Variants in HMGCLL1 observed in about 807,000 individuals in gnomAD.
HMGCLL1 encodes the protein 3-hydroxymethyl-3-methylglutaryl-CoA lyase, cytoplasmic.
In HMGCLL1, 36 loss-of-function variants were observed where a neutral mutation model predicts 39.1. That is an observed-to-expected ratio of 0.92 (90% CI 0.71 to 1.22). The LOEUF (loss-of-function observed/expected upper bound fraction) is 1.22, where lower values mean the gene tolerates loss of function less well. Ranked by LOEUF, HMGCLL1 falls within the 50% of genes most tolerant of loss-of-function variation. The pLI is 0.00. For missense variants in HMGCLL1, 451 were observed against 416.5 expected, an observed-to-expected ratio of 1.08 and a Z score of -0.72; for synonymous variants, 149 against 144.0, an observed-to-expected ratio of 1.03 and a Z score of -0.25.
intron 7 of HMGCLL1, among the ~76,000 whole-genome samples, chr6:55,470,510 G>A (rs567745285): frequency 6.6e-6 from 1 of 151,708 alleles, no homozygotes; most frequent in South Asian, 2.1e-4. Context: ...GTCCCAAAAT[G>A]GTTACATTGA....
the HMGCLL1 span, among the ~76,000 whole-genome samples, chr6:55,624,133 A>C: frequency 6.6e-6 from 1 of 152,180 alleles, no homozygotes; most frequent in Non-Finnish European, 1.5e-5. Context: ...AGAAATTGAA[A>C]GCAATATTGC....
Position 55,535,336 on chromosome 6 carries a change from A to G in HMGCLL1, c.297+6393T>C, listed in dbSNP as rs188086211. Among the ~76,000 whole-genome samples, 3 of 152,358 alleles carry G rather than the reference A, an allele frequency of 2.0e-5. No individual in the cohort carries two copies. In the East Asian group the frequency reaches 5.8e-4, roughly 29 times the overall value. ...CTGCTCTACGAATTCAGGAGAAAAG[A>G]CAAGAATATGAAGACTTCACCAATA... On this transcript the variant is annotated intron_variant, in intron 3 of 8. Transcript: ENST00000274901.
At chr6:55,622,057 T>C in the HMGCLL1 span, among the ~76,000 whole-genome samples, 9 of 152,146 alleles carry the variant, frequency 5.9e-5, no homozygotes, top group Admixed American at 6.6e-5. Flanking sequence ...TATTACCTTC[T>C]TGATTTCTTT....
intron 6 of HMGCLL1, 22 bp downstream of exon 6, chr6:55,499,214 A>G: frequency 6.3e-7 from 1 of 1,592,428 alleles, no homozygotes; most frequent in Non-Finnish European, 8.6e-7. Flanking sequence ...CATAAACCAA[A>G]AAAGCTGAAG....
the HMGCLL1 span, among the ~76,000 whole-genome samples, chr6:55,647,745 C>CTTTTTTTTT: frequency 1.4e-4 from 16 of 115,852 alleles, no homozygotes; most frequent in African/African-American, 3.1e-4. Flanking sequence ...TTTTTTTTTC[C>CTTTTTTTTT]TTTTTTTTTT....
the HMGCLL1 span, among the ~76,000 whole-genome samples, chr6:55,586,641 G>A: frequency 1.1e-3 from 166 of 150,822 alleles, no homozygotes; most frequent in African/African-American, 3.8e-3. Flanking sequence ...GAGAACATAC[G>A]GTGTTTGGTT....
At chr6:55,487,520 C>G (rs147746632) in intron 7 of HMGCLL1, among the ~76,000 whole-genome samples, 3,961 of 151,932 alleles carry the variant, frequency 0.026, 163 homozygotes, top group African/African-American at 0.091. Context: ...TTGTTCTGCT[C>G]CTACTTATGA....
intron 1 of HMGCLL1, chr6:55,566,734 G>A: frequency 2.3e-6 from 1 of 435,750 alleles, no homozygotes; most frequent in Non-Finnish European, 4.6e-6. Context: ...TAATTTCTCT[G>A]ATCTTTACAA....
chr6:55,435,583 A>G lies in HMGCLL1; in HGVS notation c.*79T>C. ...TGTCCATTACTTCACATATCAGAGC[A>G]AGTTGGCATTAATGATTTTCAGATG... On this transcript the variant is annotated 3_prime_UTR_variant, in exon 9 of 9. Coordinates refer to ENST00000274901, the MANE Select transcript of HMGCLL1 (RefSeq NM_001042406.2). 1.4e-6 allele frequency: 1 copy of G among 691,294 alleles called. No individual in the cohort carries two copies. Among genetic ancestry groups the G allele is most frequent in the Middle Eastern group, 2.8e-4 (1 of 3,558 alleles). 42.8% of individuals were successfully genotyped at this position (691,294 alleles called of 1,614,324 possible). A position where few individuals can be genotyped will look rare whatever the true frequency, so the allele number is the denominator to read the frequency against.
chr6:55,484,750 T>G (rs1765926627), intron 7 of HMGCLL1, among the ~76,000 whole-genome samples: 1 of 152,126 alleles, frequency 6.6e-6, no homozygotes, highest in Admixed American at 6.6e-5. Context: ...AGTTACCACA[T>G]TTATGCAAAC....
the HMGCLL1 span, among the ~76,000 whole-genome samples, chr6:55,671,605 A>AT: frequency 6.6e-6 from 1 of 151,754 alleles, no homozygotes; most frequent in Non-Finnish European, 1.5e-5. Context: ...TAAACTTGAG[A>AT]TTTTTCATTT....
intron 7 of HMGCLL1, among the ~76,000 whole-genome samples, chr6:55,453,345 AT>A (rs942931177): frequency 2.0e-5 from 3 of 151,948 alleles, no homozygotes; most frequent in Admixed American, 1.3e-4. Context: ...CGTCTGGCTA[AT>A]TTTTTTGTAT....
At chr6:55,649,327 T>C in the HMGCLL1 span, among the ~76,000 whole-genome samples, 1 of 151,986 alleles carries the variant, frequency 6.6e-6, no homozygotes, top group East Asian at 1.9e-4. Context: ...TTCTTCTTCA[T>C]GCTTAAAGGA....
rs572449428 is a variant in HMGCLL1, at chr6:55,454,146, A to G, written c.796-14587T>C. Among the ~76,000 whole-genome samples the G allele has an allele frequency of 2.0e-5, 3 of 152,318 alleles. No homozygotes were observed. In the East Asian group the frequency reaches 5.8e-4, roughly 29 times the overall value. On this transcript the variant is annotated intron_variant, in intron 7 of 8. Coordinates refer to ENST00000274901, the MANE Select transcript of HMGCLL1 (RefSeq NM_001042406.2). ...GTAATGTTTATATTTATAGTTTAAC[A>G]TTCTTGTAACTCAAATAATTGGACT...
At chr6:55,626,881 A>C in the HMGCLL1 span, among the ~76,000 whole-genome samples, 8,326 of 151,826 alleles carry the variant, frequency 0.055, 394 homozygotes, top group Non-Finnish European at 0.077. Context: ...TTCACTACTC[A>C]ATGTAGGTAA....
At chr6:55,527,275 C>T (rs975443313) in intron 3 of HMGCLL1, among the ~76,000 whole-genome samples, 1 of 152,006 alleles carries the variant, frequency 6.6e-6, no homozygotes, top group African/African-American at 2.4e-5. Flanking sequence ...CCATCATCAG[C>T]ATTATTTGAG....
chr6:55,450,617 A>G (rs574770428), intron 7 of HMGCLL1, among the ~76,000 whole-genome samples: 1 of 152,304 alleles, frequency 6.6e-6, no homozygotes, highest in Non-Finnish European at 1.5e-5. Context: ...AAGGAAGAAG[A>G]GAGTTGAGGA....
At chr6:55,517,560 A>G (rs977621932) in intron 3 of HMGCLL1, among the ~76,000 whole-genome samples, 1 of 152,046 alleles carries the variant, frequency 6.6e-6, no homozygotes, top group Non-Finnish European at 1.5e-5. Context: ...TTTTCTTTAT[A>G]TAACTTGGTT....
intron 3 of HMGCLL1, among the ~76,000 whole-genome samples, chr6:55,540,334 T>A (rs1372909992): frequency 6.6e-6 from 1 of 152,106 alleles, no homozygotes. Context: ...ATTAATATGT[T>A]GAAATCCTAA....
Sources: allele counts gnomAD v4.1 joint callset (sites outside exome capture counted in the v4.1 genomes callset), GRCh38; gene constraint gnomAD v4.1.1; transcripts MANE v1.5; gene names NCBI Gene and HGNC (gene_info 2026-07-23, HGNC 2026-07-21).